VILL: variants seen among roughly 807,000 people sequenced by gnomAD.
VILL encodes the protein villin-like protein.
In VILL, 102 loss-of-function variants were observed where a neutral mutation model predicts 106.3. That is an observed-to-expected ratio of 0.96 (90% CI 0.82 to 1.13). VILL has a LOEUF of 1.13. VILL is among the 50% of genes most tolerant of loss of function. The pLI is 0.00. For missense variants in VILL, 1,076 were observed against 1,116.6 expected (o/e 0.96, Z 0.52); for synonymous variants, 431 against 440.3 (o/e 0.98, Z 0.27).
Position 38,006,542 on chromosome 3 carries a change from G to A in VILL, c.2299G>A (p.Glu767Lys), listed in dbSNP as rs2364781. The A allele has an allele frequency of 1.2e-6, 2 of 1,614,170 alleles. No homozygotes were observed. Among genetic ancestry groups the A allele is most frequent in the Admixed American group, 3.3e-5 (2 of 60,032 alleles). ...CCTCAAGGGCTCCCAGGACAGCTCA[G>A]AGAATGATCTGGTGCGAAGCCCCAA... ...QALKGSQDSSENDLVRSPKSA... is the reference protein window; with the variant it reads ...QALKGSQDSSKNDLVRSPKSA... The change falls in exon 19 of 20, where the codon GAG becomes AAG. Residue 767 changes from glutamate to lysine, a missense_variant. Transcript: ENST00000383759.
At position 38,004,338 on chromosome 3, in the gene VILL, G is replaced by A. The variant is rs760225414; in HGVS notation, c.1889G>A (p.Gly630Glu). Residue 630 changes from glycine (G) to glutamate (E), a missense_variant, in exon 16 of 20, where the codon GGG becomes GAG. Gly to Glu is a moderately conservative substitution (Grantham distance 98). Coordinates refer to ENST00000383759, the MANE Select transcript of VILL (RefSeq NM_015873.4). ...GGCTGCCTGGTCCTCGCAGAAGTGG[G>A]GTTCTTCAGCCAGGAGGACCTGGAC... is the stretch of plus-strand genomic sequence containing the variant. Reference protein sequence around the residue: ...HMGCLVLAEVGFFSQEDLDKY... With the variant: ...HMGCLVLAEVEFFSQEDLDKY... 6.2e-7 allele frequency: 1 copy of A among 1,613,866 alleles called. No individual in the cohort carries two copies. Among genetic ancestry groups the A allele is most frequent in the Non-Finnish European group, 8.5e-7 (1 of 1,179,724 alleles).
upstream of VILL, among the ~76,000 whole-genome samples, chr3:37,988,785 C>T (rs1029294293): frequency 6.6e-5 from 10 of 152,128 alleles, no homozygotes; most frequent in Admixed American, 1.3e-4. Flanking sequence ...TCACTTGAAC[C>T]CGGGAGGCGG....
At position 37,997,748 on chromosome 3, in the gene VILL, C is replaced by T. The variant is rs1699732134; in HGVS notation, c.764+63C>T. 5.2e-6 allele frequency: 8 copies of T among 1,529,976 alleles called. No homozygotes were observed. The highest frequency in any genetic ancestry group is 3.6e-5 in the Admixed American group (2 of 55,750). The allele number at this position is 1,529,976 out of a possible 1,614,324, so 94.8% of individuals were successfully genotyped here. ...GTCCAGGACTCTGTGTCCATCACTACTGCAATAACACGGCATCTCTAGAAG... is the reference window on the plus strand; with the variant it reads ...GTCCAGGACTCTGTGTCCATCACTATTGCAATAACACGGCATCTCTAGAAG... On this transcript the variant is annotated intron_variant, in intron 7 of 19. Transcript: ENST00000383759. The surrounding 1 kb of genome is among the most constrained non-coding windows in gnomAD (Gnocchi z 4.7).
rs1354663806 is a variant in VILL, at chr3:38,002,451, A to G, written c.1535A>G (p.Gln512Arg). The G allele has an allele frequency of 6.2e-7, 1 of 1,614,090 alleles. No homozygotes were observed. Residue 512 changes from glutamine to arginine, a missense_variant, in exon 14 of 20, where the codon CAA becomes CGA. Gln to Arg is a conservative substitution (Grantham distance 43, BLOSUM62 1). Transcript: ENST00000383759. ...TCAGCATCCACCACAAGGCTTTTCC[A>G]AGTGCAAGGCACTGACAGCCACAAC... Reference protein sequence around the residue: ...GQSASTTRLFQVQGTDSHNTR... With the variant: ...GQSASTTRLFRVQGTDSHNTR...
Position 37,998,265 on chromosome 3 carries a change from G to T in VILL, c.844-1G>T. ...CTGACCAGCCCCACCCTTGCTCCCAGGACTTCTACATCCTGGACCAGGGTG... is the reference window on the plus strand; with the variant it reads ...CTGACCAGCCCCACCCTTGCTCCCATGACTTCTACATCCTGGACCAGGGTG... On this transcript the variant is annotated splice_acceptor_variant, in intron 8 of 19. Coordinates refer to ENST00000383759, the MANE Select transcript of VILL (RefSeq NM_015873.4). LOFTEE classifies it high-confidence loss of function. The surrounding 1 kb of genome is among the most constrained non-coding windows in gnomAD (Gnocchi z 4.1). The T allele has an allele frequency of 6.2e-7, 1 of 1,614,130 alleles. No homozygotes were observed. The highest frequency in any genetic ancestry group is 8.5e-7 in the Non-Finnish European group (1 of 1,179,996).
rs1448192604 is a variant in VILL at position 38,006,567 on chromosome 3, A to T, written c.2324A>T (p.Lys775Met). 6.2e-7 allele frequency: 1 copy of T among 1,614,162 alleles called. No homozygotes were observed. Among genetic ancestry groups the T allele is most frequent in the East Asian group, 2.2e-5 (1 of 44,886 alleles). ...SSENDLVRSP[K>M]SAGSRTSSSV... Reference sequence around the variant, plus strand: ...GAGAATGATCTGGTGCGAAGCCCCAAGTCGGCTGGCAGCAGAACCAGCAGC... The same window carrying T: ...GAGAATGATCTGGTGCGAAGCCCCATGTCGGCTGGCAGCAGAACCAGCAGC... Residue 775 changes from lysine (K) to methionine (M), a missense_variant, in exon 19 of 20, where the codon AAG becomes ATG. Physicochemically the swap from Lys to Met is moderately conservative, Grantham distance 95. Transcript: ENST00000383759.
chr3:37,997,731 C>A lies in VILL; in HGVS notation c.764+46C>A. ...CAGGGGTGGGTGGGACAGTCCAGGA[C>A]TCTGTGTCCATCACTACTGCAATAA... On this transcript the variant is annotated intron_variant, in intron 7 of 19. Coordinates refer to ENST00000383759, the MANE Select transcript of VILL (RefSeq NM_015873.4). The surrounding 1 kb of genome is among the most constrained non-coding windows in gnomAD (Gnocchi z 4.7). 6.4e-7 allele frequency: 1 copy of A among 1,568,094 alleles called. No homozygotes were observed. Among genetic ancestry groups the A allele is most frequent in the South Asian group, 1.1e-5 (1 of 88,232 alleles).
Position 38,006,501 on chromosome 3 carries a change from C to T in VILL, c.2258C>T (p.Ala753Val), listed in dbSNP as rs1272953771. The change falls in exon 19 of 20, where the codon GCC (alanine) becomes GTC (valine). Residue 753 changes from alanine (A) to valine (V), a missense_variant. Ala to Val is a moderately conservative substitution (Grantham distance 64). Coordinates refer to ENST00000383759, the MANE Select transcript of VILL (RefSeq NM_015873.4). The part of the protein sequence containing the change: ...SRWPGNGRAG[A>V]VALQALKGSQ... ...TGGCCGGGCAATGGCAGGGCAGGTG[C>T]CGTGGCCCTGCAGGCCCTCAAGGGC... The T allele has an allele frequency of 1.2e-6, 2 of 1,610,344 alleles. No individual in the cohort carries two copies. Among genetic ancestry groups the T allele is most frequent in the Admixed American group, 1.7e-5 (1 of 59,916 alleles).
At position 38,001,773 on chromosome 3, in the gene VILL, T is replaced by TG; in HGVS notation, c.1394dup (p.Val466ArgfsTer52). On this transcript the variant is annotated frameshift_variant, in exon 13 of 20. Transcript: ENST00000383759. LOFTEE classifies it high-confidence loss of function. ...CTGAGGAACTAGATGTCATGTATGG[T>TG]GGCGTCCTAGTACAGGAGCATGTGA... 1 of 1,614,248 alleles carries TG rather than the reference T, an allele frequency of 6.2e-7. No individual in the cohort carries two copies. Among genetic ancestry groups the TG allele is most frequent in the Non-Finnish European group, 8.5e-7 (1 of 1,180,038 alleles).
chr3:37,998,321 T>C lies in VILL; in HGVS notation c.899T>C (p.Met300Thr). The C allele has an allele frequency of 6.2e-7, 1 of 1,614,134 alleles. No individual in the cohort carries two copies. The highest frequency in any genetic ancestry group is 2.2e-5 in the East Asian group (1 of 44,866). Residue 300 changes from methionine (M) to threonine (T), a missense_variant, in exon 9 of 20, where the codon ATG becomes ACG. Physicochemically the swap from Met to Thr is moderately conservative, Grantham distance 81. Transcript: ENST00000383759. This position sits in a 1 kb window ranked among gnomAD's most constrained non-coding sequence, Gnocchi z 4.1. ...GFKIYVWQGR[M>T]SSLQERKAAF... ...AAGATCTATGTGTGGCAGGGACGCATGTCTAGCCTCCAGGAGAGAAAGGCT... is the reference window on the plus strand; with the variant it reads ...AAGATCTATGTGTGGCAGGGACGCACGTCTAGCCTCCAGGAGAGAAAGGCT...
rs750202718 is a variant in VILL at position 37,999,391 on chromosome 3, G to A, written c.1134G>A (p.Lys378=). The change falls in exon 11 of 20, where the codon AAG becomes AAA. Residue 378 remains lysine, a synonymous_variant. Coordinates refer to ENST00000383759, the MANE Select transcript of VILL (RefSeq NM_015873.4). ...TGGGCAAGCTGCACACCCAGCCTAA[G>A]TTAGCGGCCCAGCTCAGGATGGTGG... The part of the protein sequence containing the change: ...LDVGKLHTQP[K]LAAQLRMVDD... 3 of 1,506,478 alleles carry A rather than the reference G, an allele frequency of 2.0e-6. No homozygotes were observed. The East Asian group carries it at 7.5e-5, about 38-fold the overall frequency. 93.3% of individuals were successfully genotyped at this position (1,506,478 alleles called of 1,614,324 possible).
In VILL at chr3:38,006,550, T is replaced by C. The variant is rs1321520204; in HGVS notation, c.2307T>C (p.Asp769=). The C allele has an allele frequency of 1.2e-6, 2 of 1,614,186 alleles. No individual in the cohort carries two copies. Among genetic ancestry groups the C allele is most frequent in the African/African-American group, 2.7e-5 (2 of 75,078 alleles). The change falls in exon 19 of 20, where the codon GAT becomes GAC. Residue 769 remains aspartate (D), a synonymous_variant. Coordinates refer to ENST00000383759, the MANE Select transcript of VILL (RefSeq NM_015873.4). ...LKGSQDSSEN[D]LVRSPKSAGS... is the part of the protein sequence containing the mutation. ...GCTCCCAGGACAGCTCAGAGAATGA[T>C]CTGGTGCGAAGCCCCAAGTCGGCTG...
At chr3:38,004,194 T>C (rs1341783050) in intron 15 of VILL, 61 bp from the exon 16 acceptor site, 5 of 1,558,124 alleles carry the variant, frequency 3.2e-6, no homozygotes, top group Non-Finnish European at 4.4e-6. Flanking sequence ...GTGGGGCACT[T>C]GTGCCATGGG....
rs753394165 is a variant in VILL, at chr3:37,997,727, A to G, written c.764+42A>G. The G allele has an allele frequency of 1.9e-6, 3 of 1,573,964 alleles. No homozygotes were observed. Among genetic ancestry groups the G allele is most frequent in the South Asian group, 2.3e-5 (2 of 88,868 alleles). ...TGGGCAGGGGTGGGTGGGACAGTCC[A>G]GGACTCTGTGTCCATCACTACTGCA... On this transcript the variant is annotated intron_variant, in intron 7 of 19. Coordinates refer to ENST00000383759, the MANE Select transcript of VILL (RefSeq NM_015873.4). This position sits in a 1 kb window ranked among gnomAD's most constrained non-coding sequence, Gnocchi z 4.7.
chr3:38,005,898 T>C lies in VILL; in HGVS notation c.2057T>C (p.Ile686Thr). ...GCAGGGAGGAGCCCGGCCACACCCA[T>C]CGTGCTGGTCAAGCAGGGCCATGAG... ...HPAGRSPATP[I>T]VLVKQGHEPP... The change falls in exon 17 of 20, where the codon ATC (isoleucine) becomes ACC (threonine). Residue 686 changes from isoleucine to threonine, a missense_variant. By Grantham distance (89) the Ile-to-Thr change is moderately conservative. Coordinates refer to ENST00000383759, the MANE Select transcript of VILL (RefSeq NM_015873.4). 6.2e-7 allele frequency: 1 copy of C among 1,614,068 alleles called. No individual in the cohort carries two copies. Among genetic ancestry groups the C allele is most frequent in the Non-Finnish European group, 8.5e-7 (1 of 1,179,988 alleles).
intron 1 of VILL, chr3:37,993,374 C>T (rs565436296): frequency 1.8e-5 from 7 of 393,858 alleles, no homozygotes; most frequent in Non-Finnish European, 9.3e-6. Flanking sequence ...GAAGTGTGTT[C>T]GAATCATGCA....
At position 37,993,921 on chromosome 3, in the gene VILL, C is replaced by T. The variant is rs1699650509; in HGVS notation, c.84C>T (p.Pro28=). 6.2e-7 allele frequency: 1 copy of T among 1,614,044 alleles called. No individual in the cohort carries two copies. Among genetic ancestry groups the T allele is most frequent in the South Asian group, 1.1e-5 (1 of 91,080 alleles). ...AGAACCGGAAGATGGTGCCGGTACC[C>T]GAGGGGGCTTACGGGAACTTTTTTG... ...ISENRKMVPV[P]EGAYGNFFEE... The change falls in exon 3 of 20, where the codon CCC becomes CCT. Residue 28 remains proline, a synonymous_variant. Transcript: ENST00000383759.
At chr3:37,991,334 G>C (rs1559654285) in intron 1 of VILL, among the ~76,000 whole-genome samples, 1 of 149,766 alleles carries the variant, frequency 6.7e-6, no homozygotes, top group Non-Finnish European at 1.5e-5. Flanking sequence ...GGTAGGGAGT[G>C]CCCCGGGAAA....
Position 38,005,835 on chromosome 3 carries a change from C to A in VILL, c.1994C>A (p.Ala665Glu), listed in dbSNP as rs372162890. ...GAAGCTGCAAGTGAGTGGAAGGAGG[C>A]GGTGGCCTGGGGCCAGGAGTACCTG... is the stretch of plus-strand genomic sequence containing the variant. ...LGEAASEWKE[A>E]VAWGQEYLKT... is the part of the protein sequence containing the mutation. The change falls in exon 17 of 20, where the codon GCG becomes GAG. Residue 665 changes from alanine to glutamate, a missense_variant. Coordinates refer to ENST00000383759, the MANE Select transcript of VILL (RefSeq NM_015873.4). 6.2e-7 allele frequency: 1 copy of A among 1,613,498 alleles called. No individual in the cohort carries two copies. The highest frequency in any genetic ancestry group is 8.5e-7 in the Non-Finnish European group (1 of 1,179,730).
Sources: gnomAD v4.1 joint callset for allele counts (sites outside exome capture counted in the v4.1 genomes callset) on GRCh38, gnomAD v4.1.1 for gene constraint, Gnocchi (gnomAD v3.1) non-coding constraint, MANE v1.5 for transcripts, NCBI Gene and HGNC (gene_info 2026-07-23, HGNC 2026-07-21) for gene names.